NELL1: variants seen among roughly 807,000 people sequenced by gnomAD.
The protein encoded by NELL1 is neural EGFL like 1, also known as protein kinase C-binding protein NELL1.
In NELL1, 76 loss-of-function variants were observed where a neutral mutation model predicts 107.4. The ratio of observed to expected loss-of-function variants is 0.71; its 90% CI spans 0.59 to 0.86. The LOEUF is 0.86. Among genes scored for constraint, NELL1 ranks in the 40% least tolerant of loss-of-function variants. NELL1 has a pLI of 0.00. For synonymous variants in NELL1, 353 were observed against 341.2 expected (o/e 1.03, Z -0.38); for missense variants, 1,024 against 1,005.5 (o/e 1.02, Z -0.25).
intron 16 of NELL1, among the ~76,000 whole-genome samples, chr11:21,547,144 T>C (rs2133985163): frequency 6.6e-6 from 1 of 152,036 alleles, no homozygotes; most frequent in African/African-American, 2.4e-5. Context: ...AACTAACTTC[T>C]CATGGAGTGG....
intron 14 of NELL1, among the ~76,000 whole-genome samples, chr11:21,346,089 T>G (rs1565179954): frequency 6.6e-6 from 1 of 152,208 alleles, no homozygotes; most frequent in Non-Finnish European, 1.5e-5. Flanking sequence ...ATTTTTTGGT[T>G]CCTGAAACTA....
chr11:21,273,631 A>T (rs1848788993), intron 14 of NELL1, among the ~76,000 whole-genome samples: 1 of 152,182 alleles, frequency 6.6e-6, no homozygotes, highest in Non-Finnish European at 1.5e-5. Flanking sequence ...ATGAAGGAAA[A>T]AATGTTAAGG....
chr11:21,349,911 T>C (rs1850765999), intron 14 of NELL1, among the ~76,000 whole-genome samples: 1 of 152,160 alleles, frequency 6.6e-6, no homozygotes, highest in South Asian at 2.1e-4. Context: ...ATTAAATGTT[T>C]CACAATCTAC....
intron 15 of NELL1, among the ~76,000 whole-genome samples, chr11:21,436,083 A>G (rs1853111898): frequency 6.6e-6 from 1 of 151,914 alleles, no homozygotes; most frequent in African/African-American, 2.4e-5. Flanking sequence ...TTAGACACGG[A>G]GTCTCACTCT....
intron 15 of NELL1, among the ~76,000 whole-genome samples, chr11:21,476,811 A>AT (rs914100571): frequency 5.9e-5 from 9 of 152,214 alleles, no homozygotes; most frequent in Non-Finnish European, 8.8e-5. Flanking sequence ...GAGCACAATG[A>AT]TTGTGGGACT....
At chr11:21,536,005 A>T (rs1005581263) in intron 16 of NELL1, among the ~76,000 whole-genome samples, 1 of 152,162 alleles carries the variant, frequency 6.6e-6, no homozygotes, top group South Asian at 2.1e-4. Context: ...GAAAATTTTA[A>T]TTTTTACAGA....
At chr11:21,201,793 TAC>T (rs1209829861) in intron 13 of NELL1, among the ~76,000 whole-genome samples, 3 of 152,328 alleles carry the variant, frequency 2.0e-5, no homozygotes, top group East Asian at 3.9e-4. Flanking sequence ...TATTTTGAGA[TAC>T]AGTCTGTCAA....
chr11:21,031,384 A>G (rs1196535292), intron 12 of NELL1, among the ~76,000 whole-genome samples: 1 of 152,132 alleles, frequency 6.6e-6, no homozygotes, highest in East Asian at 1.9e-4. Context: ...TAATTCTGTA[A>G]TTTATTCTTT....
At chr11:21,032,023 C>T (rs189166313) in intron 12 of NELL1, among the ~76,000 whole-genome samples, 38 of 149,706 alleles carry the variant, frequency 2.5e-4, no homozygotes, top group Admixed American at 1.9e-3. Context: ...CCAGCCTGGG[C>T]GACAGAGTGA....
chr11:21,071,440 GTATCAT>G (rs1206467029), intron 12 of NELL1, among the ~76,000 whole-genome samples: 1 of 152,116 alleles, frequency 6.6e-6, no homozygotes, highest in Non-Finnish European at 1.5e-5. Flanking sequence ...GGTAGTTGTT[GTATCAT>G]TATCATTAAG....
intron 12 of NELL1, among the ~76,000 whole-genome samples, chr11:20,982,521 A>G (rs1490219050): frequency 6.6e-6 from 1 of 152,126 alleles, no homozygotes; most frequent in African/African-American, 2.4e-5. Context: ...TAGTTGCCTC[A>G]CCTGTTCAAT....
At chr11:20,739,543 G>A (rs2133932149) in intron 2 of NELL1, among the ~76,000 whole-genome samples, 1 of 152,294 alleles carries the variant, frequency 6.6e-6, no homozygotes, top group South Asian at 2.1e-4. Context: ...GGGAGCTGTG[G>A]CATGGTAAAA....
intron 15 of NELL1, among the ~76,000 whole-genome samples, chr11:21,454,620 A>C (rs1009434161): frequency 1.3e-5 from 2 of 152,254 alleles, no homozygotes; most frequent in Non-Finnish European, 2.9e-5. Context: ...ACAAAATACC[A>C]TAGACTGAGT....
intron 12 of NELL1, among the ~76,000 whole-genome samples, chr11:21,111,008 C>T (rs997161709): frequency 6.6e-6 from 1 of 152,096 alleles, no homozygotes. Flanking sequence ...ATTTCAAATA[C>T]GCAAAGCTCC....
At chr11:20,784,249 C>A (rs1336148648) in intron 3 of NELL1, among the ~76,000 whole-genome samples, 1 of 151,866 alleles carries the variant, frequency 6.6e-6, no homozygotes, top group East Asian at 1.9e-4. Flanking sequence ...GGAAGATAGA[C>A]AAATAAATAT....
intron 12 of NELL1, among the ~76,000 whole-genome samples, chr11:20,988,779 G>A (rs1216949334): frequency 4.0e-5 from 6 of 151,628 alleles, no homozygotes. Context: ...AGTAGAGATG[G>A]GGTTTCACCA....
At chr11:21,566,391 A>G (rs12221647) in intron 17 of NELL1, among the ~76,000 whole-genome samples, 64,445 of 151,700 alleles carry the variant, frequency 0.42, 14,624 homozygotes, top group Non-Finnish European at 0.51. Context: ...TGACTATTCC[A>G]TATTAAAATT....
intron 14 of NELL1, among the ~76,000 whole-genome samples, chr11:21,327,361 G>A (rs1397317487): frequency 6.6e-6 from 1 of 151,960 alleles, no homozygotes; most frequent in African/African-American, 2.4e-5. Flanking sequence ...AAATCTGATG[G>A]TTTTATAAGG....
chr11:20,931,770 G>C (rs1198564410), intron 9 of NELL1, among the ~76,000 whole-genome samples: 1 of 151,762 alleles, frequency 6.6e-6, no homozygotes, highest in Non-Finnish European at 1.5e-5. Context: ...TCCTTGGTTT[G>C]GTTCCTTATT....
Sources: allele counts gnomAD v4.1 joint callset (sites outside exome capture counted in the v4.1 genomes callset), GRCh38; gene constraint gnomAD v4.1.1; transcripts MANE v1.5; gene names NCBI Gene and HGNC (gene_info 2026-07-23, HGNC 2026-07-21).